NEB: variants seen among roughly 807,000 people sequenced by gnomAD.
NEB encodes the protein nemaline myopathy type 2.
A neutral mutation model predicts 952.2 loss-of-function variants in NEB; 512 were observed. The ratio of observed to expected loss-of-function variants is 0.54; its 90% CI spans 0.50 to 0.58. The LOEUF is 0.58. Among genes scored for constraint, NEB ranks in the 20% least tolerant of loss-of-function variants. The probability of loss-of-function intolerance (pLI) is 0.00; values close to 1 mark genes in which losing one functional copy is unlikely to be tolerated. For missense variants in NEB, 8,428 were observed against 9,231.1 expected, an observed-to-expected ratio of 0.91 and a Z score of 3.56; for synonymous variants, 2,900 against 3,149.8, an observed-to-expected ratio of 0.92 and a Z score of 2.66.
At position 151,503,441 on chromosome 2, in the gene NEB, C is replaced by T. The variant is rs767404419; in HGVS notation, c.23743G>A (p.Val7915Ile). 1.3e-6 allele frequency: 2 copies of T among 1,595,566 alleles called. No individual in the cohort carries two copies. The highest frequency in any genetic ancestry group is 1.7e-6 in the Non-Finnish European group (2 of 1,163,534). Residue 7915 changes from valine (V) to isoleucine (I), a missense_variant and splice_region_variant, in exon 166 of 182, where the codon GTT becomes ATT. Val to Ile is a conservative substitution (Grantham distance 29). Coordinates refer to ENST00000397345, the MANE Select transcript of NEB (RefSeq NM_001164508.2). ...VKETQKHISS[V>I]MYKENLGTGI... ...GTTCCCAAGTTTTCTTTGTACATAA[C>T]CTGTAGAAAATAATTAGAATACCCA...
intron 72 of NEB, among the ~76,000 whole-genome samples, chr2:151,620,172 A>G (rs2098360937): frequency 6.6e-6 from 1 of 151,714 alleles, no homozygotes; most frequent in African/African-American, 2.4e-5. Context: ...GATTTGGGAG[A>G]AATAGTTTTA....
chr2:151,719,745 G>C (rs921929150), intron 9 of NEB, among the ~76,000 whole-genome samples: 1 of 152,100 alleles, frequency 6.6e-6, no homozygotes, highest in Non-Finnish European at 1.5e-5. Flanking sequence ...CGGGTGTGGT[G>C]GTGTGCACCT....
chr2:151,549,912 A>T (rs529518712), intron 129 of NEB, among the ~76,000 whole-genome samples, 172 bp from the exon 130 acceptor site: 1 of 152,350 alleles, frequency 6.6e-6, no homozygotes, highest in South Asian at 2.1e-4. Flanking sequence ...TCATAAAATG[A>T]GTCAGATTAC....
Position 151,727,803 on chromosome 2 carries a change from GCT to G in NEB, c.180_181del (p.Ala61IlefsTer36). 1 of 1,599,140 alleles carries G rather than the reference GCT, an allele frequency of 6.3e-7. No homozygotes were observed. Among genetic ancestry groups the G allele is most frequent in the Non-Finnish European group, 8.5e-7 (1 of 1,173,988 alleles). The stretch of plus-strand genomic sequence containing the variant: ...CCTCCTCTCCACCGGCTTTGCTGAT[GCT>G]GGCTGTGCCAGTGCTGGCTGTGCCA... On this transcript the variant is annotated frameshift_variant, in exon 5 of 182. Transcript: ENST00000397345. LOFTEE classifies it high-confidence loss of function.
At position 151,639,328 on chromosome 2, in the gene NEB, G is replaced by A. The variant is rs2154100963; in HGVS notation, c.8946C>T (p.Asp2982=). The change falls in exon 63 of 182, where the codon GAC becomes GAT. Residue 2982 remains aspartate (D), a synonymous_variant. Coordinates refer to ENST00000397345, the MANE Select transcript of NEB (RefSeq NM_001164508.2). ...TTCTTGCCAACATAATTTCTGGTGT[G>A]TCTGGCATTATGTGGATCTGAGTCT... is the stretch of plus-strand genomic sequence containing the variant. ...KDKTQIHIMP[D]TPEIMLARMN... 6.5e-7 allele frequency: 1 copy of A among 1,545,562 alleles called. No homozygotes were observed. The highest frequency in any genetic ancestry group is 2.4e-5 in the East Asian group (1 of 41,298).
At chr2:151,609,267 C>G (rs935934802) in intron 81 of NEB, among the ~76,000 whole-genome samples, 10 of 151,748 alleles carry the variant, frequency 6.6e-5, no homozygotes, top group Admixed American at 3.9e-4. Flanking sequence ...AAATAAAGCA[C>G]ATGGGGTTGA....
rs1436152184 is a variant in NEB, at chr2:151,612,206, T to C, written c.11785A>G (p.Asn3929Asp). 1.9e-6 allele frequency: 3 copies of C among 1,613,768 alleles called. 1 individual carries two copies. Among genetic ancestry groups the C allele is most frequent in the Middle Eastern group, 3.3e-4 (2 of 6,036 alleles). The change falls in exon 78 of 182, where the codon AAT becomes GAT. Residue 3929 changes from asparagine (N) to aspartate (D), a missense_variant. By Grantham distance (23) the Asn-to-Asp change is conservative (BLOSUM62 1). This residue lies in a region of NEB where 337 missense variants were observed against 297.5 expected (regional missense o/e 1.13). Transcript: ENST00000397345. The part of the protein sequence containing the change: ...DTPEIVLAKN[N>D]ALTMSKHLYT... ...CTCACCTTGCTCATTGTCAGGGCAT[T>C]ATTCTTTGCTAGGACAATTTCCGGA...
chr2:151,732,957 A>T (rs2099812488), intron 3 of NEB, among the ~76,000 whole-genome samples, 164 bp downstream of exon 3: 1 of 152,220 alleles, frequency 6.6e-6, no homozygotes, highest in Non-Finnish European at 1.5e-5. Context: ...CCACATAATT[A>T]TAGTGAAACT....
intron 161 of NEB, among the ~76,000 whole-genome samples, chr2:151,512,404 C>T (rs535527430): frequency 6.6e-6 from 1 of 151,966 alleles, no homozygotes; most frequent in East Asian, 1.9e-4. Flanking sequence ...CAGCTGACTG[C>T]AGCCTCAACC....
At position 151,722,002 on chromosome 2, in the gene NEB, G is replaced by A. The variant is rs563712566; in HGVS notation, c.717+1380C>T. Among the ~76,000 whole-genome samples, 3 of 152,328 alleles carry A rather than the reference G, an allele frequency of 2.0e-5. No homozygotes were observed. In the South Asian group the frequency reaches 6.2e-4, roughly 32 times the overall value. ...ACTAAACTTGCAGGTGATATGAAGAGGGTGGCGTTAAAAATTAGACCTCAA... is the reference window on the plus strand; with the variant it reads ...ACTAAACTTGCAGGTGATATGAAGAAGGTGGCGTTAAAAATTAGACCTCAA... On this transcript the variant is annotated intron_variant, in intron 9 of 181. Transcript: ENST00000397345.
chr2:151,644,663 C>G, intron 55 of NEB, 88 bp from the exon 56 acceptor site: 1 of 1,098,902 alleles, frequency 9.1e-7, no homozygotes, highest in Non-Finnish European at 1.4e-6. Context: ...TATTTTGAGT[C>G]CATGAGAATA....
At chr2:151,725,789 T>C (rs1488527146) in intron 5 of NEB, among the ~76,000 whole-genome samples, 2 of 152,220 alleles carry the variant, frequency 1.3e-5, no homozygotes, top group Non-Finnish European at 2.9e-5. Flanking sequence ...TTATAGACTA[T>C]TGTCTTGGAA....
At chr2:151,577,958 A>G (rs1032916276) in intron 105 of NEB, among the ~76,000 whole-genome samples, 8 of 152,178 alleles carry the variant, frequency 5.3e-5, no homozygotes, top group African/African-American at 1.9e-4. Context: ...GGTGTGTTTA[A>G]TAAGTATTTT....
rs1439495551 is a variant in NEB at position 151,725,450 on chromosome 2, C to T, written c.402+3G>A. 1 of 1,609,918 alleles carries T rather than the reference C, an allele frequency of 6.2e-7. No homozygotes were observed. The highest frequency in any genetic ancestry group is 1.7e-5 in the Admixed American group (1 of 59,826). On this transcript the variant is annotated splice_donor_region_variant and intron_variant, in intron 6 of 181. Coordinates refer to ENST00000397345, the MANE Select transcript of NEB (RefSeq NM_001164508.2). ...TCTCCTTTATTTCAGCAATGCAGCC[C>T]ACCTCACTGAGTTGATCTTGTACTT...
rs545293311 is a variant in NEB, at chr2:151,583,864, G to T, written c.15664-98C>A. The T allele has an allele frequency of 1.2e-4, 58 of 500,810 alleles. 15 individuals carry two copies. The Admixed American group carries it at 1.9e-3, about 16-fold the overall frequency. The allele number at this position is 500,810 out of a possible 1,614,324, so 31.0% of individuals were successfully genotyped here. ...GGTTTCAGTATGTTTTCTTAGCCTT[G>T]GTATAAATTGGCTCAACATTGGCAG... On this transcript the variant is annotated intron_variant, in intron 100 of 181. Transcript: ENST00000397345.
chr2:151,637,172 G>A (rs1233870681), intron 63 of NEB, among the ~76,000 whole-genome samples: 1 of 152,192 alleles, frequency 6.6e-6, no homozygotes, highest in Non-Finnish European at 1.5e-5. Flanking sequence ...CTGCTGAAAA[G>A]TCAAACCACA....
At chr2:151,527,376 C>A in intron 147 of NEB, 105 bp downstream of exon 147, 1 of 975,946 alleles carries the variant, frequency 1.0e-6, no homozygotes, top group Non-Finnish European at 1.5e-6. Flanking sequence ...GGATCTCAAA[C>A]GAGCAAGGGT....
At chr2:151,730,890 T>C (rs1044817356) in intron 3 of NEB, among the ~76,000 whole-genome samples, 1 of 152,200 alleles carries the variant, frequency 6.6e-6, no homozygotes, top group African/African-American at 2.4e-5. Flanking sequence ...TGTTTTAATT[T>C]AAAATCTAAT....
At chr2:151,498,159 A>G in intron 170 of NEB, 101 bp downstream of exon 170, 1 of 1,538,486 alleles carries the variant, frequency 6.5e-7, no homozygotes, top group Non-Finnish European at 8.8e-7. Flanking sequence ...ATGTATTAGA[A>G]GCAAAGAAGG....
Sources: gnomAD v4.1 joint callset for allele counts (sites outside exome capture counted in the v4.1 genomes callset) on GRCh38, gnomAD v4.1.1 for gene constraint, gnomAD v4.1.1 regional missense constraint, MANE v1.5 for transcripts, NCBI Gene and HGNC (gene_info 2026-07-23, HGNC 2026-07-21) for gene names.